The following MLF1 variants were observed in gnomAD, a reference collection of about 807,000 sequenced individuals.
MLF1 encodes the protein myeloid leukemia factor 1, also known as myelodysplasia-myeloid leukemia factor 1.
Under a neutral mutation model 38.3 loss-of-function variants are expected in MLF1, and 37 were observed. The observed-to-expected ratio is 0.96, with a 90% CI of 0.74 to 1.27. The LOEUF is 1.27. Among genes scored for constraint, MLF1 ranks in the 50% most tolerant of loss-of-function variants. The pLI, the probability that MLF1 is intolerant of heterozygous loss-of-function variation, is 0.00. For missense variants in MLF1, 331 were observed against 349.2 expected, an observed-to-expected ratio of 0.95 and a Z score of 0.42; for synonymous variants, 95 against 106.5, an observed-to-expected ratio of 0.89 and a Z score of 0.66.
rs1383417345 is a variant in MLF1, at chr3:158,592,479, AAGTTTTTCT to A, written c.94_102del (p.Ser32_Ser34del). On this transcript the variant is annotated inframe_deletion, in exon 2 of 8. Coordinates refer to ENST00000466246, the MANE Select transcript of MLF1 (RefSeq NM_001369783.1). ...GAGAAAATATGCGACAGATGATAAG[AAGTTTTTCT>A]GAACCCTTTGGAAGAGACTTGCTCA... is the stretch of plus-strand genomic sequence containing the variant. 2 of 1,611,808 alleles carry A rather than the reference AAGTTTTTCT, an allele frequency of 1.2e-6. No homozygotes were observed. Among genetic ancestry groups the A allele is most frequent in the South Asian group, 2.2e-5 (2 of 90,762 alleles).
At chr3:158,572,438 GCGGTA>G (rs1714625161) in intron 1 of MLF1, among the ~76,000 whole-genome samples, 2 of 140,544 alleles carry the variant, frequency 1.4e-5, no homozygotes, top group African/African-American at 5.4e-5. Flanking sequence ...GCGTGAGGTG[GCGGTA>G]AGAGGGTTGA....
chr3:158,587,964 G>A (rs1717494679), intron 1 of MLF1, among the ~76,000 whole-genome samples: 1 of 152,186 alleles, frequency 6.6e-6, no homozygotes, highest in Non-Finnish European at 1.5e-5. Context: ...TCGTGCCACT[G>A]CACTCCAGTC....
intron 1 of MLF1, among the ~76,000 whole-genome samples, chr3:158,585,542 G>A (rs1216983030): frequency 1.3e-5 from 2 of 152,182 alleles, no homozygotes; most frequent in African/African-American, 4.8e-5. Context: ...AGAGTTGGGA[G>A]AGGATATTTT....
intron 1 of MLF1, chr3:158,588,942 A>G: frequency 2.2e-6 from 1 of 454,882 alleles, no homozygotes; most frequent in Non-Finnish European, 4.4e-6. Flanking sequence ...CCATGTACTA[A>G]AATACTTGGG....
chr3:158,594,917 T>C (rs1248572141), intron 3 of MLF1, among the ~76,000 whole-genome samples: 2 of 152,166 alleles, frequency 1.3e-5, no homozygotes, highest in Non-Finnish European at 2.9e-5. Flanking sequence ...TCCAGGTAGA[T>C]TTATCTGGTA....
At chr3:158,581,674 C>T (rs1380348105) in intron 1 of MLF1, among the ~76,000 whole-genome samples, 1 of 152,108 alleles carries the variant, frequency 6.6e-6, no homozygotes, top group Admixed American at 6.5e-5. Flanking sequence ...TATTACGAGG[C>T]ATACTAAAAG....
chr3:158,581,980 G>C (rs1268253502), intron 1 of MLF1, among the ~76,000 whole-genome samples: 1 of 152,170 alleles, frequency 6.6e-6, no homozygotes, highest in African/African-American at 2.4e-5. Flanking sequence ...AGGAGTTCAA[G>C]ACCAGCCTGG....
intron 4 of MLF1, among the ~76,000 whole-genome samples, chr3:158,597,820 T>C (rs1385498407): frequency 6.6e-6 from 1 of 152,140 alleles, no homozygotes; most frequent in Non-Finnish European, 1.5e-5. Flanking sequence ...GTGAGTCACT[T>C]ATTAGTCTTT....
chr3:158,574,581 G>A (rs1482912254), intron 1 of MLF1, among the ~76,000 whole-genome samples: 6 of 150,486 alleles, frequency 4.0e-5, no homozygotes, highest in African/African-American at 2.5e-5. Flanking sequence ...CTACTTGGGA[G>A]GCTGAGACAG....
chr3:158,600,238 AT>A (rs558443011), intron 6 of MLF1, 65 bp downstream of exon 6: 1,203 of 976,782 alleles, frequency 1.2e-3, no homozygotes, highest in East Asian at 1.4e-3. Flanking sequence ...TACTTGATGA[AT>A]TTTTTTTTAG....
intron 1 of MLF1, among the ~76,000 whole-genome samples, chr3:158,586,992 C>A (rs1717340521): frequency 6.6e-6 from 1 of 152,080 alleles, no homozygotes; most frequent in South Asian, 2.1e-4. Context: ...TGGAACCGTG[C>A]CTTTTACATA....
At chr3:158,571,422 A>T (rs1490532918) in intron 1 of MLF1, 75 bp downstream of exon 1, 6 of 1,579,034 alleles carry the variant, frequency 3.8e-6, no homozygotes, top group African/African-American at 1.4e-5. Context: ...AAGGGAAAAG[A>T]GCGAGTTTTA....
At chr3:158,598,856 T>C (rs985176061) in intron 5 of MLF1, among the ~76,000 whole-genome samples, 1 of 152,182 alleles carries the variant, frequency 6.6e-6, no homozygotes, top group Admixed American at 6.6e-5. Context: ...ATTTTATTAC[T>C]TCACGTTTCT....
At chr3:158,592,288 A>G (rs1361303821) in intron 1 of MLF1, 146 bp from the exon 2 acceptor site, 5 of 630,812 alleles carry the variant, frequency 7.9e-6, no homozygotes, top group Non-Finnish European at 1.3e-5. Context: ...ATTCTATTCT[A>G]TTTATGAATA....
intron 6 of MLF1, 39 bp from the exon 7 acceptor site, chr3:158,602,768 C>G: frequency 6.2e-7 from 1 of 1,603,554 alleles, no homozygotes. Context: ...ACAGTTGATA[C>G]CTTAATACTT....
At chr3:158,600,575 T>C (rs1328726284) in intron 6 of MLF1, among the ~76,000 whole-genome samples, 1 of 151,612 alleles carries the variant, frequency 6.6e-6, no homozygotes, top group African/African-American at 2.4e-5. Context: ...AATCATTTTA[T>C]ATATATAAAC....
At chr3:158,584,765 G>C (rs1716970247) in intron 1 of MLF1, among the ~76,000 whole-genome samples, 1 of 150,192 alleles carries the variant, frequency 6.7e-6, no homozygotes, top group Non-Finnish European at 1.5e-5. Context: ...CCAATCTTTT[G>C]GCTTCTCTGT....
chr3:158,597,249 A>G (rs1719018300), intron 4 of MLF1, among the ~76,000 whole-genome samples: 1 of 152,068 alleles, frequency 6.6e-6, no homozygotes. Context: ...TTAACTTTGA[A>G]AATTTTTTAA....
intron 1 of MLF1, chr3:158,583,057 C>A: frequency 2.0e-6 from 1 of 509,306 alleles, no homozygotes; most frequent in East Asian, 3.3e-5. Flanking sequence ...TCTTCTCCTT[C>A]CCTTTCCCCC....
Sources: allele counts gnomAD v4.1 joint callset (sites outside exome capture counted in the v4.1 genomes callset), GRCh38; gene constraint gnomAD v4.1.1; transcripts MANE v1.5; gene names NCBI Gene and HGNC (gene_info 2026-07-23, HGNC 2026-07-21).